NPAS3: variants seen among roughly 807,000 people sequenced by gnomAD.
The protein encoded by NPAS3 is neuronal PAS domain protein 3, also known as neuronal PAS domain-containing protein 3.
Under a neutral mutation model 73.1 loss-of-function variants are expected in NPAS3, and 14 were observed. That is an observed-to-expected ratio of 0.19 (90% CI 0.13 to 0.30). The LOEUF (loss-of-function observed/expected upper bound fraction) is 0.30, where lower values mean the gene tolerates loss of function less well. NPAS3 is among the 10% of genes least tolerant of loss of function. The probability of loss-of-function intolerance (pLI) is 1.00; values close to 1 mark genes in which losing one functional copy is unlikely to be tolerated. For synonymous variants in NPAS3, 620 were observed against 541.5 expected (o/e 1.14, Z -2.01); for missense variants, 1,096 against 1,250.0 (o/e 0.88, Z 1.86).
At chr14:33,302,698 T>C (rs1036165589) in intron 3 of NPAS3, among the ~76,000 whole-genome samples, 1 of 152,202 alleles carries the variant, frequency 6.6e-6, no homozygotes, top group Non-Finnish European at 1.5e-5. Context: ...TACGTTACGC[T>C]ACATAACTCC....
At position 33,004,817 on chromosome 14, in the gene NPAS3, C is replaced by CTTTTT; in HGVS notation, c.51-51073_51-51069dup. ...CTTTTTTCTATTGTAAAAAGTTTTC[C>CTTTTT]TTTTTTTTTTTTTTTTTTTAGTTTT... On this transcript the variant is annotated intron_variant, in intron 1 of 11. Transcript: ENST00000356141. Among the ~76,000 whole-genome samples, 24 of 64,006 alleles carry CTTTTT rather than the reference C, an allele frequency of 3.7e-4. 4 individuals carry two copies. Among genetic ancestry groups the CTTTTT allele is most frequent in the East Asian group, 3.5e-3 (7 of 2,026 alleles). The allele number at this position is 64,006 out of a possible 152,430, so 42.0% of individuals were successfully genotyped here. A position where few individuals can be genotyped will look rare whatever the true frequency, so the allele number is the denominator to read the frequency against.
At chr14:33,568,048 G>A (rs1018330211) in intron 5 of NPAS3, among the ~76,000 whole-genome samples, 1 of 152,078 alleles carries the variant, frequency 6.6e-6, no homozygotes, top group East Asian at 1.9e-4. Context: ...CTTAATTTCT[G>A]GACTTAAAGT....
At chr14:33,157,478 G>A (rs995205427) in intron 2 of NPAS3, among the ~76,000 whole-genome samples, 4 of 152,172 alleles carry the variant, frequency 2.6e-5, no homozygotes, top group African/African-American at 9.7e-5. Context: ...GGCAGGGCCA[G>A]CCAATATATC....
intron 4 of NPAS3, among the ~76,000 whole-genome samples, chr14:33,448,337 GA>G (rs1360906582): frequency 6.6e-6 from 1 of 152,144 alleles, no homozygotes; most frequent in Non-Finnish European, 1.5e-5. Context: ...AATTTAAGGG[GA>G]TAACAGATTT....
At chr14:33,654,178 A>AT (rs5807736) in intron 5 of NPAS3, among the ~76,000 whole-genome samples, 2,618 of 149,732 alleles carry the variant, frequency 0.017, 25 homozygotes, top group Middle Eastern at 0.058. Flanking sequence ...ATCCTGTGCC[A>AT]TTTTTTTTTT....
At chr14:33,678,983 TG>T (rs1179784438) in intron 6 of NPAS3, among the ~76,000 whole-genome samples, 2 of 152,308 alleles carry the variant, frequency 1.3e-5, no homozygotes, top group Non-Finnish European at 1.5e-5. Flanking sequence ...CTCCTTCAAC[TG>T]TTAACTCTCT....
At chr14:33,466,239 C>T (rs2139556358) in intron 4 of NPAS3, among the ~76,000 whole-genome samples, 1 of 152,258 alleles carries the variant, frequency 6.6e-6, no homozygotes, top group African/African-American at 2.4e-5. Flanking sequence ...AAACCAGGTT[C>T]CTTTAGCAGC....
At chr14:33,356,002 G>A (rs1366376103) in intron 3 of NPAS3, among the ~76,000 whole-genome samples, 2 of 152,196 alleles carry the variant, frequency 1.3e-5, no homozygotes, top group African/African-American at 2.4e-5. Flanking sequence ...GTGGTCCATG[G>A]CCTGGCACTT....
At chr14:33,367,153 T>C in intron 3 of NPAS3, 33 bp from the exon 4 acceptor site, 1 of 815,486 alleles carries the variant, frequency 1.2e-6, no homozygotes, top group Middle Eastern at 2.3e-4. Flanking sequence ...CCAACTTAAT[T>C]GTTCTGTTTT....
chr14:33,562,751 C>T (rs926572364), intron 5 of NPAS3, among the ~76,000 whole-genome samples: 1 of 152,092 alleles, frequency 6.6e-6, no homozygotes, highest in African/African-American at 2.4e-5. Flanking sequence ...GAGTTTTCAA[C>T]CCAGTTTGAG....
Position 33,332,942 on chromosome 14 carries a change from G to T in NPAS3, c.386-34244G>T, listed in dbSNP as rs187391133. On this transcript the variant is annotated intron_variant, in intron 3 of 11. Coordinates refer to ENST00000356141, the Ensembl canonical transcript of NPAS3. ...AACAATTAGATACTTTGTCTGTAAA[G>T]ACAACAAAGGAAAGAAGAAGAATGC... Among the ~76,000 whole-genome samples the T allele has an allele frequency of 2.3e-3, 345 of 152,274 alleles. 1 individual carries two copies. Among genetic ancestry groups the T allele is most frequent in the African/African-American group, 7.9e-3 (327 of 41,572 alleles).
intron 2 of NPAS3, among the ~76,000 whole-genome samples, chr14:33,142,191 CTTTTTTTTTT>C (rs10709910): frequency 2.6e-5 from 1 of 38,084 alleles, no homozygotes; most frequent in Non-Finnish European, 4.4e-5. Flanking sequence ...TTTGTATAAG[CTTTTTTTTTT>C]TTTTTTTTTT....
intron 5 of NPAS3, among the ~76,000 whole-genome samples, chr14:33,601,779 T>C (rs2057405939): frequency 6.6e-6 from 1 of 152,234 alleles, no homozygotes; most frequent in South Asian, 2.1e-4. Flanking sequence ...TATCAATGTC[T>C]TTTAGCGGTA....
chr14:33,588,624 T>C (rs1029289896), intron 5 of NPAS3, among the ~76,000 whole-genome samples: 2 of 152,210 alleles, frequency 1.3e-5, no homozygotes, highest in African/African-American at 4.8e-5. Flanking sequence ...GATTTTGTTG[T>C]TGCTGCTGAG....
chr14:33,468,947 A>G (rs1056465244), intron 4 of NPAS3, among the ~76,000 whole-genome samples: 4 of 152,184 alleles, frequency 2.6e-5, no homozygotes, highest in African/African-American at 7.2e-5. Flanking sequence ...AAAAGACCGA[A>G]TCTACAGGGG....
rs567783840 is a variant in NPAS3 at position 33,780,133 on chromosome 14, G to A, written c.1153+1561G>A. On this transcript the variant is annotated intron_variant, in intron 9 of 11. Transcript: ENST00000356141. ...CAGTGTCAGAATCTGTATATACCACGTCTCTGGAAAGAGCCTGCCTGCAAG... is the reference window on the plus strand; with the variant it reads ...CAGTGTCAGAATCTGTATATACCACATCTCTGGAAAGAGCCTGCCTGCAAG... 5.9e-5 allele frequency among the ~76,000 whole-genome samples: 9 copies of A among 152,302 alleles called. No individual in the cohort carries two copies. In the South Asian group the frequency reaches 1.2e-3, roughly 21 times the overall value.
chr14:33,693,185 C>T (rs1241186166), intron 6 of NPAS3, among the ~76,000 whole-genome samples: 2 of 152,108 alleles, frequency 1.3e-5, no homozygotes, highest in African/African-American at 2.4e-5. Flanking sequence ...TTGTTGTTTT[C>T]GTTTTGTTTT....
intron 1 of NPAS3, among the ~76,000 whole-genome samples, chr14:33,035,638 TA>T (rs1453654671): frequency 6.6e-6 from 1 of 152,222 alleles, no homozygotes; most frequent in African/African-American, 2.4e-5. Flanking sequence ...AAATGCTTTT[TA>T]TCACTTGGCA....
At chr14:33,757,545 GA>G in intron 7 of NPAS3, among the ~76,000 whole-genome samples, 1 of 152,114 alleles carries the variant, frequency 6.6e-6, no homozygotes, top group East Asian at 1.9e-4. Flanking sequence ...TACGATGGGG[GA>G]AAAAATGAGA....
Sources: gnomAD v4.1 joint callset for allele counts (sites outside exome capture counted in the v4.1 genomes callset) on GRCh38, gnomAD v4.1.1 for gene constraint, MANE v1.5 for transcripts, NCBI Gene and HGNC (gene_info 2026-07-23, HGNC 2026-07-21) for gene names.